Variants in HIVEP1 observed in about 807,000 individuals in gnomAD.
The protein encoded by HIVEP1 is HIVEP zinc finger 1.
A neutral mutation model predicts 180.0 loss-of-function variants in HIVEP1; 36 were observed. The ratio of observed to expected loss-of-function variants is 0.20; its 90% CI spans 0.15 to 0.26. The LOEUF (loss-of-function observed/expected upper bound fraction) is 0.26. HIVEP1 is among the 10% of genes least tolerant of loss of function. The pLI is 1.00. For missense variants in HIVEP1, 3,143 were observed against 3,268.7 expected, an observed-to-expected ratio of 0.96 and a Z score of 0.94; for synonymous variants, 1,239 against 1,239.0, an observed-to-expected ratio of 1.00 and a Z score of 0.00.
At chr6:12,194,726 T>A in the HIVEP1 span, among the ~76,000 whole-genome samples, 1 of 152,092 alleles carries the variant, frequency 6.6e-6, no homozygotes, top group Non-Finnish European at 1.5e-5. Context: ...CACTTGAACC[T>A]GGGAGGTGGA....
At chr6:12,158,035 T>TTCA (rs1760165026) in intron 7 of HIVEP1, among the ~76,000 whole-genome samples, 1 of 152,208 alleles carries the variant, frequency 6.6e-6, no homozygotes, top group Non-Finnish European at 1.5e-5. Flanking sequence ...CTTTAGAGCC[T>TTCA]TCAAAATATG....
chr6:12,119,939 G>T lies in HIVEP1; in HGVS notation c.144G>T (p.Val48=), dbSNP rs1267872923. 6.3e-7 allele frequency: 1 copy of T among 1,599,466 alleles called. No homozygotes were observed. Among genetic ancestry groups the T allele is most frequent in the East Asian group, 2.2e-5 (1 of 44,834 alleles). ...VKGTSESLKG[V]KRKKIVAENH... is the part of the protein sequence containing the mutation. ...GAACTTCGGAATCCCTTAAAGGTGT[G>T]AAACGCAAAAAGATCGTAGCTGAGA... Residue 48 remains valine, a synonymous_variant, in exon 4 of 9, where the codon GTG becomes GTT. Transcript: ENST00000379388.
chr6:12,056,221 T>C (rs1317374923), intron 2 of HIVEP1, among the ~76,000 whole-genome samples: 1 of 152,162 alleles, frequency 6.6e-6, no homozygotes, highest in Non-Finnish European at 1.5e-5. Flanking sequence ...GATCAATAAA[T>C]TACTAGTGTG....
At chr6:12,013,087 G>A (rs977609538) in intron 1 of HIVEP1, among the ~76,000 whole-genome samples, 2 of 152,120 alleles carry the variant, frequency 1.3e-5, no homozygotes, top group African/African-American at 4.8e-5. Context: ...GAGGGGAGGG[G>A]GCGGCGGCGG....
intron 2 of HIVEP1, among the ~76,000 whole-genome samples, chr6:12,017,548 C>G (rs1310120990): frequency 2.0e-5 from 3 of 152,210 alleles, no homozygotes; most frequent in Non-Finnish European, 2.9e-5. Context: ...ACTGCTGCCT[C>G]CGGCAGCCTG....
In HIVEP1 at chr6:12,129,844, A is replaced by C. The variant is rs1448360586; in HGVS notation, c.6161A>C (p.Asn2054Thr). ...SEINSEQDKE[N>T]SLIKSEPRRI... ...ATTAACAGTGAGCAAGATAAAGAAAATTCCTTAATCAAAAGTGAACCAAGA... is the reference window on the plus strand; with the variant it reads ...ATTAACAGTGAGCAAGATAAAGAAACTTCCTTAATCAAAAGTGAACCAAGA... Residue 2054 changes from asparagine to threonine, a missense_variant, in exon 5 of 9, where the codon AAT becomes ACT. Physicochemically the swap from Asn to Thr is moderately conservative, Grantham distance 65 (BLOSUM62 0). Coordinates refer to ENST00000379388, the MANE Select transcript of HIVEP1 (RefSeq NM_002114.4). 3.5e-5 allele frequency: 56 copies of C among 1,582,710 alleles called. No individual in the cohort carries two copies. Among genetic ancestry groups the C allele is most frequent in the Non-Finnish European group, 4.8e-5 (55 of 1,152,444 alleles).
At chr6:12,197,013 T>A in the HIVEP1 span, among the ~76,000 whole-genome samples, 1 of 152,190 alleles carries the variant, frequency 6.6e-6, no homozygotes, top group Non-Finnish European at 1.5e-5. Flanking sequence ...ATGGAGGTAG[T>A]AAGTAAATCA....
At chr6:12,045,003 G>A (rs902100906) in intron 2 of HIVEP1, among the ~76,000 whole-genome samples, 1 of 152,220 alleles carries the variant, frequency 6.6e-6, no homozygotes, top group African/African-American at 2.4e-5. Context: ...TTTTAAGAAG[G>A]TTCATGTTTA....
chr6:12,075,565 G>A (rs1253387166), intron 2 of HIVEP1, among the ~76,000 whole-genome samples: 1 of 146,488 alleles, frequency 6.8e-6, no homozygotes, highest in Admixed American at 6.8e-5. Context: ...TAATCTTTCA[G>A]TTTTTAAAAA....
chr6:12,165,637 A>G (rs978281629), downstream of HIVEP1, among the ~76,000 whole-genome samples: 4 of 152,262 alleles, frequency 2.6e-5, no homozygotes, highest in Non-Finnish European at 5.9e-5. Context: ...GATTTGCATT[A>G]TTAATGATTA....
intron 6 of HIVEP1, 38 bp from the exon 7 acceptor site, chr6:12,135,753 A>G: frequency 7.5e-7 from 1 of 1,335,092 alleles, no homozygotes; most frequent in Non-Finnish European, 1.1e-6. Context: ...TAGCAAAATC[A>G]TACTACTTAA....
intron 7 of HIVEP1, among the ~76,000 whole-genome samples, chr6:12,144,042 T>C (rs1581776687): frequency 6.6e-6 from 1 of 152,296 alleles, no homozygotes; most frequent in Non-Finnish European, 1.5e-5. Flanking sequence ...TTAAAGTTCA[T>C]ATGGAACCAA....
At chr6:12,190,496 C>T in the HIVEP1 span, among the ~76,000 whole-genome samples, 1 of 152,154 alleles carries the variant, frequency 6.6e-6, no homozygotes. Flanking sequence ...GCTTTGGAGC[C>T]TGTGCACTGC....
At chr6:12,153,901 A>G (rs1347376059) in intron 7 of HIVEP1, among the ~76,000 whole-genome samples, 2 of 152,190 alleles carry the variant, frequency 1.3e-5, no homozygotes, top group African/African-American at 2.4e-5. Flanking sequence ...TAATCCCAGC[A>G]CTTTGGGAGG....
intron 7 of HIVEP1, among the ~76,000 whole-genome samples, chr6:12,151,593 A>G (rs1759704585): frequency 6.6e-6 from 1 of 152,192 alleles, no homozygotes; most frequent in South Asian, 2.1e-4. Context: ...CTTGTGGACG[A>G]TGGGTGTGGT....
intron 7 of HIVEP1, among the ~76,000 whole-genome samples, chr6:12,153,804 G>A (rs220023): frequency 0.051 from 7,754 of 152,092 alleles, 631 homozygotes; most frequent in African/African-American, 0.18. Context: ...ATAGGGAGGT[G>A]CTTGTTGTGC....
chr6:12,089,212 T>C lies in HIVEP1; in HGVS notation c.69T>C (p.Leu23=). The change falls in exon 3 of 9, where the codon CTT becomes CTC. Residue 23 remains leucine, a synonymous_variant. Coordinates refer to ENST00000379388, the MANE Select transcript of HIVEP1 (RefSeq NM_002114.4). ...AAATTGAAGAAGCACAAAAAGAACT[T>C]AATGGGGCAGAAGTTTCAAAAAAAG... ...RDKIEEAQKE[L]NGAEVSKKEI... The C allele has an allele frequency of 6.4e-7, 1 of 1,564,358 alleles. No homozygotes were observed. Among genetic ancestry groups the C allele is most frequent in the Non-Finnish European group, 8.8e-7 (1 of 1,141,180 alleles).
intron 2 of HIVEP1, among the ~76,000 whole-genome samples, chr6:12,022,158 T>C (rs982853680): frequency 6.6e-6 from 1 of 152,088 alleles, no homozygotes; most frequent in African/African-American, 2.4e-5. Flanking sequence ...TTATATGAAA[T>C]TTTACTTCAC....
intron 2 of HIVEP1, among the ~76,000 whole-genome samples, chr6:12,050,889 A>G (rs999207577): frequency 4.6e-5 from 7 of 151,414 alleles, no homozygotes; most frequent in Non-Finnish European, 7.4e-5. Flanking sequence ...GGGAAATGGT[A>G]TCGGGGAACC....
Sources: gnomAD v4.1 joint callset for allele counts (sites outside exome capture counted in the v4.1 genomes callset) on GRCh38, gnomAD v4.1.1 for gene constraint, MANE v1.5 for transcripts, NCBI Gene and HGNC (gene_info 2026-07-23, HGNC 2026-07-21) for gene names.